The following CACNA1H variants were observed in gnomAD, a reference collection of about 807,000 sequenced individuals.
CACNA1H encodes the protein voltage-dependent T-type calcium channel subunit alpha-1H.
In CACNA1H, 149 loss-of-function variants were observed where a neutral mutation model predicts 192.5. The ratio of observed to expected loss-of-function variants is 0.77; its 90% CI spans 0.68 to 0.89. The LOEUF (loss-of-function observed/expected upper bound fraction) is 0.89, where lower values mean the gene tolerates loss of function less well. Among genes scored for constraint, CACNA1H ranks in the 40% least tolerant of loss-of-function variants. The pLI is 0.00. For synonymous variants in CACNA1H, 2,202 were observed against 1,475.2 expected (o/e 1.49, Z -11.29); for missense variants, 4,257 against 3,423.5 (o/e 1.24, Z -6.08).
chr16:1,209,258 A>T lies in CACNA1H; in HGVS notation c.3590A>T (p.Glu1197Val). The T allele has an allele frequency of 1.3e-6, 2 of 1,547,006 alleles. No homozygotes were observed. Among genetic ancestry groups the T allele is most frequent in the Non-Finnish European group, 1.7e-6 (2 of 1,149,760 alleles). Residue 1197 changes from glutamate (E) to valine (V), a missense_variant, in exon 17 of 35, where the codon GAG becomes GTG. Physicochemically the swap from Glu to Val is moderately radical, Grantham distance 121 (BLOSUM62 -2). Transcript: ENST00000348261. ...CGTGCCACCCCACTGCGGCGGGCCGAGTCCCTGGACCCACGGCCCCTGCGG... is the reference window on the plus strand; with the variant it reads ...CGTGCCACCCCACTGCGGCGGGCCGTGTCCCTGGACCCACGGCCCCTGCGG... ...GPRATPLRRA[E>V]SLDPRPLRPA... is the part of the protein sequence containing the mutation.
In CACNA1H at chr16:1,194,928, G is replaced by A. The variant is rs757018960; in HGVS notation, c.300-44G>A. The A allele has an allele frequency of 1.7e-5, 24 of 1,445,724 alleles. No homozygotes were observed. The East Asian group carries it at 2.3e-4, about 14-fold the overall frequency. 89.6% of individuals were successfully genotyped at this position (1,445,724 alleles called of 1,614,324 possible). ...GGCATTTGGAGGGCCCCATGGGAGC[G>A]GGTCCCGGGCCGCGCCGGTGTGCTC... On this transcript the variant is annotated intron_variant, in intron 2 of 34. Transcript: ENST00000348261.
In CACNA1H at chr16:1,219,601, A is replaced by G. The variant is rs1459813563; in HGVS notation, c.6049-380A>G. Among the ~76,000 whole-genome samples the G allele has an allele frequency of 2.0e-5, 3 of 151,786 alleles. No homozygotes were observed. The East Asian group carries it at 5.8e-4, about 29-fold the overall frequency. ...TCAGCTCCTCTTCCTGCCCTTTCCT[A>G]CCTCTTGCTGCCCAGTACAAGACGC... On this transcript the variant is annotated intron_variant, in intron 34 of 34. Coordinates refer to ENST00000348261, the MANE Select transcript of CACNA1H (RefSeq NM_021098.3).
rs778717934 is a variant in CACNA1H at position 1,213,885 on chromosome 16, G to T, written c.4883G>T (p.Cys1628Phe). The T allele has an allele frequency of 1.2e-6, 2 of 1,611,860 alleles. No individual in the cohort carries two copies. Among genetic ancestry groups the T allele is most frequent in the East Asian group, 4.5e-5 (2 of 44,814 alleles). The change falls in exon 27 of 35, where the codon TGT becomes TTT. Residue 1628 changes from cysteine (C) to phenylalanine (F), a missense_variant. By Grantham distance (205) the Cys-to-Phe change is radical. Transcript: ENST00000348261. Reference sequence around the variant, plus strand: ...GACCTCTTCATCACCTTCATCATCTGTGTCAACGTCATCACCATGTCCATG... The same window carrying T: ...GACCTCTTCATCACCTTCATCATCTTTGTCAACGTCATCACCATGTCCATG... ...YLDLFITFII[C>F]VNVITMSMEH...
chr16:1,179,637 C>T (rs185587108), intron 2 of CACNA1H, among the ~76,000 whole-genome samples: 315 of 151,776 alleles, frequency 2.1e-3, no homozygotes, highest in Non-Finnish European at 3.3e-3. Flanking sequence ...TCATGTTGGC[C>T]AGGCTGGTCT....
rs1440317539 is a variant in CACNA1H at position 1,219,890 on chromosome 16, A to G, written c.6049-91A>G. 10 of 1,062,616 alleles carry G rather than the reference A, an allele frequency of 9.4e-6. No homozygotes were observed. The African/African-American group carries it at 1.5e-4, about 16-fold the overall frequency. 65.8% of individuals were successfully genotyped at this position (1,062,616 alleles called of 1,614,324 possible). On this transcript the variant is annotated intron_variant, in intron 34 of 34. Coordinates refer to ENST00000348261, the MANE Select transcript of CACNA1H (RefSeq NM_021098.3). The stretch of plus-strand genomic sequence containing the variant: ...GGGACCTGCCCAGTTTGGCCTCTCC[A>G]GTACCTGGATGGTGAGGGGTCTCCG...
At chr16:1,195,790 C>T (rs1203711567) in intron 4 of CACNA1H, 136 bp from the exon 5 acceptor site, 1 of 880,634 alleles carries the variant, frequency 1.1e-6, no homozygotes, top group Non-Finnish European at 1.9e-6. Flanking sequence ...ACCTCGGGGC[C>T]CTTCCTGGCC....
chr16:1,173,533 T>G (rs1019800338), intron 2 of CACNA1H, among the ~76,000 whole-genome samples: 1 of 152,258 alleles, frequency 6.6e-6, no homozygotes, highest in Non-Finnish European at 1.5e-5. Flanking sequence ...ACCACAATAA[T>G]AAGCCCTTTG....
At chr16:1,198,907 C>A in intron 6 of CACNA1H, 133 bp downstream of exon 6, 3 of 804,356 alleles carry the variant, frequency 3.7e-6, no homozygotes, top group Admixed American at 2.4e-5. Flanking sequence ...ACTGCTGTCC[C>A]CGTCATGGCT....
At chr16:1,215,638 G>A (rs545491763) in intron 30 of CACNA1H, 45 bp downstream of exon 30, 209 of 1,534,272 alleles carry the variant, frequency 1.4e-4, no homozygotes, top group Non-Finnish European at 1.7e-4. Flanking sequence ...CCCGGAAGAC[G>A]GGGTTGCAGG....
chr16:1,206,094 C>T lies in CACNA1H; in HGVS notation c.2604-10C>T, dbSNP rs972409705. The T allele has an allele frequency of 9.6e-6, 15 of 1,561,334 alleles. No individual in the cohort carries two copies. The highest frequency in any genetic ancestry group is 1.3e-5 in the Non-Finnish European group (15 of 1,156,326). ...TGGCCCCGCTGACCCTCGCCCCCAC[C>T]TGTCCGCAGCGTCTGGGAGATCGTG... On this transcript the variant is annotated splice_polypyrimidine_tract_variant and intron_variant, in intron 11 of 34. Coordinates refer to ENST00000348261, the MANE Select transcript of CACNA1H (RefSeq NM_021098.3).
intron 2 of CACNA1H, among the ~76,000 whole-genome samples, chr16:1,194,626 C>T (rs944097083): frequency 6.6e-6 from 1 of 152,226 alleles, no homozygotes; most frequent in African/African-American, 2.4e-5. Flanking sequence ...ATGTGGGCAG[C>T]TAGGCCCTGG....
In CACNA1H at chr16:1,167,321, C is replaced by T. The variant is rs1201180229; in HGVS notation, c.299+13285C>T. Among the ~76,000 whole-genome samples the T allele has an allele frequency of 6.9e-6, 1 of 144,800 alleles. No homozygotes were observed. Among genetic ancestry groups the T allele is most frequent in the Non-Finnish European group, 1.5e-5 (1 of 68,004 alleles). 95.0% of individuals were successfully genotyped at this position (144,800 alleles called of 152,430 possible). A position where few individuals can be genotyped will look rare whatever the true frequency, so the allele number is the denominator to read the frequency against. On this transcript the variant is annotated intron_variant, in intron 2 of 34. Coordinates refer to ENST00000348261, the MANE Select transcript of CACNA1H (RefSeq NM_021098.3). The surrounding 1 kb of genome is among the most constrained non-coding windows in gnomAD (Gnocchi z 4.2). ...TGTCAGGAACCTTGGATTCCTGACA[C>T]ACGGGTGCGGGGGCGATATCGGCGC...
At chr16:1,210,162 A>C (rs373033259) in intron 18 of CACNA1H, 27 bp downstream of exon 18, 1 of 1,529,220 alleles carries the variant, frequency 6.5e-7, no homozygotes, top group African/African-American at 1.4e-5. Context: ...AGGAGGCTGC[A>C]TGGCTAGTTC....
At chr16:1,178,486 G>A (rs1363707348) in intron 2 of CACNA1H, among the ~76,000 whole-genome samples, 2 of 152,074 alleles carry the variant, frequency 1.3e-5, no homozygotes, top group African/African-American at 2.4e-5. Flanking sequence ...TTAGGACTAG[G>A]TGAGGCCACA....
Position 1,211,476 on chromosome 16 carries a change from G to A in CACNA1H, c.4351-5G>A, listed in dbSNP as rs756118031. ...CCCTCCGCGGTGACCGTCGCACCCC[G>A]TCAGCTCTTCAAAGGGAAGTTCTAC... On this transcript the variant is annotated splice_region_variant and splice_polypyrimidine_tract_variant and intron_variant, in intron 22 of 34. Transcript: ENST00000348261. The A allele has an allele frequency of 4.5e-5, 73 of 1,612,386 alleles. 1 individual carries two copies. Among genetic ancestry groups the A allele is most frequent in the Admixed American group, 1.0e-4 (6 of 60,016 alleles).
chr16:1,200,774 T>C lies in CACNA1H; in HGVS notation c.1178T>C (p.Phe393Ser), dbSNP rs906359032. ...TACTACGTCATGGACGCCCACTCAT[T>C]CTACAACTTCATCTATTTCATCCTG... The part of the protein sequence containing the change: ...IMYYVMDAHS[F>S]YNFIYFILLI... The change falls in exon 8 of 35, where the codon TTC (phenylalanine) becomes TCC (serine). Residue 393 changes from phenylalanine to serine, a missense_variant. By Grantham distance (155) the Phe-to-Ser change is radical. Transcript: ENST00000348261. The C allele has an allele frequency of 1.3e-6, 2 of 1,554,026 alleles. No homozygotes were observed. Among genetic ancestry groups the C allele is most frequent in the East Asian group, 2.4e-5 (1 of 41,100 alleles).
intron 6 of CACNA1H, chr16:1,198,987 C>A: frequency 3.5e-6 from 2 of 568,132 alleles, no homozygotes; most frequent in Non-Finnish European, 6.3e-6. Context: ...CACCGCCCCA[C>A]ATGGCTCCGC....
At chr16:1,176,048 G>A (rs1044574116) in intron 2 of CACNA1H, among the ~76,000 whole-genome samples, 1 of 152,278 alleles carries the variant, frequency 6.6e-6, no homozygotes, top group South Asian at 2.1e-4. Context: ...CACTCCCATC[G>A]CCCAGTCACA....
At position 1,195,551 on chromosome 16, in the gene CACNA1H, C is replaced by G; in HGVS notation, c.531C>G (p.Phe177Leu). Residue 177 changes from phenylalanine (F) to leucine (L), a missense_variant, in exon 4 of 35, where the codon TTC becomes TTG. Physicochemically the swap from Phe to Leu is conservative, Grantham distance 22. Coordinates refer to ENST00000348261, the MANE Select transcript of CACNA1H (RefSeq NM_021098.3). ...ACACGTGGAACAGGCTGGATTTCTT[C>G]ATCGTCGTGGCGGGGTAGGCCCCGC... ...LGDTWNRLDF[F>L]IVVAGMMEYS... 1 of 1,603,410 alleles carries G rather than the reference C, an allele frequency of 6.2e-7. No individual in the cohort carries two copies. The highest frequency in any genetic ancestry group is 1.1e-5 in the South Asian group (1 of 88,796).
Sources: allele counts gnomAD v4.1 joint callset (sites outside exome capture counted in the v4.1 genomes callset), GRCh38; gene constraint gnomAD v4.1.1; non-coding constraint Gnocchi (gnomAD v3.1); transcripts MANE v1.5; gene names NCBI Gene and HGNC (gene_info 2026-07-23, HGNC 2026-07-21).